TBXA2R: variants seen among roughly 807,000 people sequenced by gnomAD.
The protein encoded by TBXA2R is prostanoid TP receptor.
In TBXA2R, 15 loss-of-function variants were observed where a neutral mutation model predicts 15.6. That is an observed-to-expected ratio of 0.96 (90% CI 0.64 to 1.48). The LOEUF (loss-of-function observed/expected upper bound fraction) is 1.48. TBXA2R is among the 40% of genes most tolerant of loss of function. The probability of loss-of-function intolerance (pLI) is 0.00; values close to 1 mark genes in which losing one functional copy is unlikely to be tolerated. For missense variants in TBXA2R, 506 were observed against 491.4 expected (o/e 1.03, Z -0.28); for synonymous variants, 280 against 241.2 (o/e 1.16, Z -1.49).
intron 2 of TBXA2R, among the ~76,000 whole-genome samples, chr19:3,597,101 G>C (rs1234930400): frequency 1.3e-5 from 2 of 151,316 alleles, no homozygotes. Context: ...CACCACATCT[G>C]GCTGATTTTT....
At chr19:3,601,989 AG>A (rs2032746800) in intron 1 of TBXA2R, among the ~76,000 whole-genome samples, 1 of 151,978 alleles carries the variant, frequency 6.6e-6, no homozygotes, top group African/African-American at 2.4e-5. Flanking sequence ...TGGGAGGCCG[AG>A]GCGGGCGGAT....
At chr19:3,602,199 T>C (rs1039959935) in intron 1 of TBXA2R, among the ~76,000 whole-genome samples, 7 of 151,810 alleles carry the variant, frequency 4.6e-5, no homozygotes, top group South Asian at 4.2e-4. Flanking sequence ...GCAGCCTGGG[T>C]GACAGAGCGA....
intron 1 of TBXA2R, among the ~76,000 whole-genome samples, chr19:3,604,640 G>A (rs537901118): frequency 3.3e-5 from 5 of 151,252 alleles, no homozygotes; most frequent in East Asian, 2.0e-4. Context: ...CTGATCTGCC[G>A]TGGCCAGGCT....
chr19:3,602,409 G>A (rs1397061022), intron 1 of TBXA2R, among the ~76,000 whole-genome samples: 3 of 151,874 alleles, frequency 2.0e-5, no homozygotes, highest in African/African-American at 4.8e-5. Context: ...GGGACTGTGT[G>A]CGAGATGGAG....
intron 2 of TBXA2R, among the ~76,000 whole-genome samples, chr19:3,597,728 T>C (rs1362252795): frequency 6.6e-6 from 1 of 151,854 alleles, no homozygotes; most frequent in Non-Finnish European, 1.5e-5. Flanking sequence ...GTCAGGAGAT[T>C]GAGACCATCC....
Position 3,600,382 on chromosome 19 carries a change from C to T in TBXA2R, c.253G>A (p.Val85Met). 1 of 1,613,352 alleles carries T rather than the reference C, an allele frequency of 6.2e-7. No homozygotes were observed. Reference protein sequence around the residue: ...FLGLLVTGTIVVSQHAALFEW... With the variant: ...FLGLLVTGTIMVSQHAALFEW... ...AAGAGCGCGGCGTGCTGGGACACCA[C>T]GATGGTACCGGTCACCAGCAGCCCC... The change falls in exon 2 of 3, where the codon GTG (valine) becomes ATG (methionine). Residue 85 changes from valine to methionine, a missense_variant. By Grantham distance (21) the Val-to-Met change is conservative. Coordinates refer to ENST00000375190, the MANE Select transcript of TBXA2R (RefSeq NM_001060.6).
At position 3,595,782 on chromosome 19, in the gene TBXA2R, C is replaced by T. The variant is rs1390964033; in HGVS notation, c.938G>A (p.Arg313His). 6.2e-7 allele frequency: 1 copy of T among 1,610,150 alleles called. No homozygotes were observed. Among genetic ancestry groups the T allele is most frequent in the Non-Finnish European group, 8.5e-7 (1 of 1,178,750 alleles). Reference protein sequence around the residue: ...LDPWVYILFRRAVLRRLQPRL... With the variant: ...LDPWVYILFRHAVLRRLQPRL... ...AGGCTGGAGACGCCGGAGCACGGCGCGGCGGAACAGGATATACACCCAGGG... is the reference window on the plus strand; with the variant it reads ...AGGCTGGAGACGCCGGAGCACGGCGTGGCGGAACAGGATATACACCCAGGG... Residue 313 changes from arginine (R) to histidine (H), a missense_variant, in exon 3 of 3, where the codon CGC becomes CAC. Physicochemically the swap from Arg to His is conservative, Grantham distance 29. Coordinates refer to ENST00000375190, the MANE Select transcript of TBXA2R (RefSeq NM_001060.6).
chr19:3,602,760 CAAAA>C (rs56274535), intron 1 of TBXA2R, among the ~76,000 whole-genome samples: 3 of 105,974 alleles, frequency 2.8e-5, no homozygotes, highest in Admixed American at 1.0e-4. Context: ...AACTCCGTCT[CAAAA>C]AAAAAAAAAA....
intron 1 of TBXA2R, 59 bp from the exon 2 acceptor site, chr19:3,600,776 T>C: frequency 1.1e-6 from 1 of 879,218 alleles, no homozygotes; most frequent in Non-Finnish European, 1.8e-6. Flanking sequence ...TAAGTAGCTC[T>C]GGTGAACTCC....
intron 2 of TBXA2R, among the ~76,000 whole-genome samples, chr19:3,599,254 C>T (rs918072246): frequency 6.6e-6 from 1 of 151,920 alleles, no homozygotes; most frequent in African/African-American, 2.4e-5. Flanking sequence ...TCCCAGGCTC[C>T]AGCAATCCTC....
Position 3,599,988 on chromosome 19 carries a change from G to A in TBXA2R, c.647C>T (p.Thr216Met). Residue 216 changes from threonine (T) to methionine (M), a missense_variant, in exon 2 of 3, where the codon ACG (threonine) becomes ATG (methionine). By Grantham distance (81) the Thr-to-Met change is moderately conservative. Coordinates refer to ENST00000375190, the MANE Select transcript of TBXA2R (RefSeq NM_001060.6). ...LSVGLSFLLN[T>M]VSVATLCHVY... ...GTGGCACAGGGTGGCCACGCTGACC[G>A]TGTTCAGCAGGAAGGACAGCCCGAC... 6.2e-7 allele frequency: 1 copy of A among 1,606,890 alleles called. No homozygotes were observed. Among genetic ancestry groups the A allele is most frequent in the Non-Finnish European group, 8.5e-7 (1 of 1,177,246 alleles).
intron 2 of TBXA2R, among the ~76,000 whole-genome samples, chr19:3,597,362 G>C (rs2032623676): frequency 6.6e-6 from 1 of 150,826 alleles, no homozygotes; most frequent in Non-Finnish European, 1.5e-5. Context: ...GCCTATAATT[G>C]ATATATATCA....
Position 3,599,841 on chromosome 19 carries a change from C to G in TBXA2R, c.786+8G>C, listed in dbSNP as rs1475065024. On this transcript the variant is annotated splice_region_variant and intron_variant, in intron 2 of 2. Transcript: ENST00000375190. ...AGGGTAGCAGGACCCCGCAGAGCCC[C>G]TACTCACCAGAAGGGGCAGCCAACA... 1.3e-6 allele frequency: 2 copies of G among 1,548,922 alleles called. No individual in the cohort carries two copies. Among genetic ancestry groups the G allele is most frequent in the Admixed American group, 3.9e-5 (2 of 50,992 alleles).
chr19:3,594,972 C>T lies in TBXA2R; in HGVS notation c.*716G>A, dbSNP rs201078260. On this transcript the variant is annotated 3_prime_UTR_variant, in exon 3 of 3. Transcript: ENST00000375190. Reference sequence around the variant, plus strand: ...GCTTACGCCTGTAATCCCAGCTGCTCGGGAGGCTGAGGCACGAGAATCGCT... The same window carrying T: ...GCTTACGCCTGTAATCCCAGCTGCTTGGGAGGCTGAGGCACGAGAATCGCT... The T allele has an allele frequency of 2.1e-5, 32 of 1,522,630 alleles. No homozygotes were observed. The highest frequency in any genetic ancestry group is 5.0e-5 in the East Asian group (2 of 40,184). 94.3% of individuals were successfully genotyped at this position (1,522,630 alleles called of 1,614,324 possible).
At position 3,600,344 on chromosome 19, in the gene TBXA2R, G is replaced by T. The variant is rs769916082; in HGVS notation, c.291C>A (p.Ala97=). 1 of 1,613,264 alleles carries T rather than the reference G, an allele frequency of 6.2e-7. No individual in the cohort carries two copies. Among genetic ancestry groups the T allele is most frequent in the South Asian group, 1.1e-5 (1 of 91,088 alleles). The change falls in exon 2 of 3, where the codon GCC becomes GCA. Residue 97 remains alanine (A), a synonymous_variant. Transcript: ENST00000375190. ...GACAGAGACGGCAGCCAGGGTCCAC[G>T]GCGTGCCACTCGAAGAGCGCGGCGT... ...SQHAALFEWH[A]VDPGCRLCRF...
At position 3,600,548 on chromosome 19, in the gene TBXA2R, C is replaced by G. The variant is rs199937232; in HGVS notation, c.87G>C (p.Trp29Cys). 1 of 1,611,940 alleles carries G rather than the reference C, an allele frequency of 6.2e-7. No individual in the cohort carries two copies. Among genetic ancestry groups the G allele is most frequent in the Non-Finnish European group, 8.5e-7 (1 of 1,178,992 alleles). The change falls in exon 2 of 3, where the codon TGG becomes TGC. Residue 29 changes from tryptophan (W) to cysteine (C), a missense_variant. Trp to Cys is a radical substitution (Grantham distance 215, BLOSUM62 -2). Coordinates refer to ENST00000375190, the MANE Select transcript of TBXA2R (RefSeq NM_001060.6). ...CCACCACGCAGAAGGAGGCGGCGAA[C>G]CAGGGCGAGGCGATCAGCCGTCTCT... ...LEERRLIASP[W>C]FAASFCVVGL...
At position 3,595,075 on chromosome 19, in the gene TBXA2R, GTCT is replaced by G; in HGVS notation, c.*610_*612del. On this transcript the variant is annotated 3_prime_UTR_variant, in exon 3 of 3. Transcript: ENST00000375190. ...AGGCTGGGCCACAGAGTGAGACTCC[GTCT>G]AAAAAAAAAAAAAAAAATGGCCAGG... The G allele has an allele frequency of 3.2e-6, 2 of 626,420 alleles. No homozygotes were observed. Among genetic ancestry groups the G allele is most frequent in the Admixed American group, 6.1e-5 (2 of 32,720 alleles). 38.8% of individuals were successfully genotyped at this position (626,420 alleles called of 1,614,324 possible). A position where few individuals can be genotyped will look rare whatever the true frequency, so the allele number is the denominator to read the frequency against.
At chr19:3,604,194 A>C (rs774894967) in intron 1 of TBXA2R, among the ~76,000 whole-genome samples, 1 of 151,260 alleles carries the variant, frequency 6.6e-6, no homozygotes, top group Non-Finnish European at 1.5e-5. Flanking sequence ...CTTTGATGGG[A>C]ATCTGCCTGG....
At chr19:3,597,162 G>A (rs942286316) in intron 2 of TBXA2R, among the ~76,000 whole-genome samples, 9 of 151,150 alleles carry the variant, frequency 6.0e-5, no homozygotes, top group Non-Finnish European at 1.2e-4. Flanking sequence ...GGCTAGCCTT[G>A]AACTCCCGAC....
Sources: gnomAD v4.1 joint callset for allele counts (sites outside exome capture counted in the v4.1 genomes callset) on GRCh38, gnomAD v4.1.1 for gene constraint, MANE v1.5 for transcripts, NCBI Gene and HGNC (gene_info 2026-07-23, HGNC 2026-07-21) for gene names.